Variants in MMP16 observed in about 807,000 individuals in gnomAD.
MMP16 encodes matrix metalloproteinase-16.
A neutral mutation model predicts 67.8 loss-of-function variants in MMP16; 12 were observed. That is an observed-to-expected ratio of 0.18 (90% CI 0.11 to 0.29). The LOEUF is 0.29. Ranked by LOEUF, MMP16 falls within the 10% of genes least tolerant of loss-of-function variation. The pLI, the probability that MMP16 is intolerant of heterozygous loss-of-function variation, is 1.00. For synonymous variants in MMP16, 249 were observed against 255.9 expected (o/e 0.97, Z 0.26); for missense variants, 475 against 765.7 (o/e 0.62, Z 4.48).
chr8:88,105,637 G>A (rs1430408655), intron 6 of MMP16, among the ~76,000 whole-genome samples: 1 of 151,390 alleles, frequency 6.6e-6, no homozygotes, highest in African/African-American at 2.4e-5. Context: ...TCATGGTAGA[G>A]GGGAAAAGTG....
chr8:88,273,259 T>TTG (rs1358448757), intron 1 of MMP16, among the ~76,000 whole-genome samples: 2 of 150,852 alleles, frequency 1.3e-5, no homozygotes, highest in Non-Finnish European at 3.0e-5. Context: ...TTTTTTTTTT[T>TTG]TTTTGTATTT....
intron 4 of MMP16, among the ~76,000 whole-genome samples, chr8:88,143,448 AG>A (rs1808243877): frequency 1.3e-5 from 2 of 152,098 alleles, no homozygotes; most frequent in Non-Finnish European, 2.9e-5. Context: ...TCATTGTTTT[AG>A]ATATATTGAG....
At chr8:88,074,804 G>T in intron 6 of MMP16, 61 bp from the exon 7 acceptor site, 1 of 1,563,656 alleles carries the variant, frequency 6.4e-7, no homozygotes, top group Non-Finnish European at 8.7e-7. Context: ...ATTTCACGGC[G>T]CAATGGCTGG....
intron 1 of MMP16, among the ~76,000 whole-genome samples, chr8:88,307,371 A>C (rs986473283): frequency 1.3e-5 from 2 of 152,060 alleles, no homozygotes; most frequent in Non-Finnish European, 2.9e-5. Flanking sequence ...TTCTGGTTTT[A>C]TTTGAAAACA....
At chr8:88,269,418 G>A (rs887742648) in intron 1 of MMP16, among the ~76,000 whole-genome samples, 2 of 152,052 alleles carry the variant, frequency 1.3e-5, no homozygotes, top group Admixed American at 6.6e-5. Context: ...CATAACAAAA[G>A]TGGGCAAGGT....
intron 6 of MMP16, among the ~76,000 whole-genome samples, chr8:88,080,284 A>G (rs1196662922): frequency 1.3e-5 from 2 of 152,198 alleles, no homozygotes; most frequent in Non-Finnish European, 2.9e-5. Flanking sequence ...AAAACAAGGT[A>G]GCTGTTTAGT....
intron 1 of MMP16, among the ~76,000 whole-genome samples, chr8:88,259,486 A>G (rs1810354003): frequency 6.6e-6 from 1 of 152,182 alleles, no homozygotes; most frequent in African/African-American, 2.4e-5. Context: ...TAAAATAGCA[A>G]CAGTACTTTG....
At chr8:88,320,290 A>G (rs890840349) in intron 1 of MMP16, among the ~76,000 whole-genome samples, 1 of 152,214 alleles carries the variant, frequency 6.6e-6, no homozygotes, top group Non-Finnish European at 1.5e-5. Flanking sequence ...GTGAGCTTTT[A>G]AAATTGGATT....
At chr8:88,309,796 C>G (rs1811268568) in intron 1 of MMP16, among the ~76,000 whole-genome samples, 2 of 152,174 alleles carry the variant, frequency 1.3e-5, no homozygotes, top group South Asian at 4.1e-4. Context: ...AAAGCAAATC[C>G]ATCATATATT....
chr8:88,252,065 C>T (rs1387108301), intron 1 of MMP16, among the ~76,000 whole-genome samples: 2 of 128,344 alleles, frequency 1.6e-5, no homozygotes, highest in South Asian at 3.0e-4. Flanking sequence ...ACTAGTTCAA[C>T]CATTGTGGAA....
chr8:88,117,387 A>G (rs1294536839), intron 5 of MMP16, among the ~76,000 whole-genome samples: 2 of 152,146 alleles, frequency 1.3e-5, no homozygotes, highest in Admixed American at 6.5e-5. Context: ...TACACATGTA[A>G]TTTGGTACAG....
At chr8:88,044,879 G>C (rs933905655) in intron 9 of MMP16, among the ~76,000 whole-genome samples, 1 of 151,954 alleles carries the variant, frequency 6.6e-6, no homozygotes, top group African/African-American at 2.4e-5. Flanking sequence ...TCATTTCTTT[G>C]TCCTTCTTAG....
At chr8:88,262,091 A>G (rs1810396689) in intron 1 of MMP16, among the ~76,000 whole-genome samples, 1 of 152,178 alleles carries the variant, frequency 6.6e-6, no homozygotes, top group Non-Finnish European at 1.5e-5. Context: ...ATGTCTGGTA[A>G]TAAAGTGATA....
rs765029042 is a variant in MMP16, at chr8:88,041,519, C to G, written c.1766G>C (p.Arg589Thr). ...CAGTATGTGGCGGGGTGTTCCTTTC[C>G]TCTTGAACTGGAACACAGTGTAAAC... is the stretch of plus-strand genomic sequence containing the variant. ...VLVYTVFQFK[R>T]KGTPRHILYC... Residue 589 changes from arginine to threonine, a missense_variant, in exon 10 of 10, where the codon AGG becomes ACG. Arg to Thr is a moderately conservative substitution (Grantham distance 71). Transcript: ENST00000286614. The surrounding 1 kb of genome is among the most constrained non-coding windows in gnomAD (Gnocchi z 6.0). The G allele has an allele frequency of 1.2e-6, 2 of 1,614,038 alleles. No individual in the cohort carries two copies. The highest frequency in any genetic ancestry group is 4.5e-5 in the East Asian group (2 of 44,886).
chr8:88,065,826 A>C (rs1479929005), intron 7 of MMP16, among the ~76,000 whole-genome samples: 1 of 152,156 alleles, frequency 6.6e-6, no homozygotes, highest in Non-Finnish European at 1.5e-5. Flanking sequence ...CATTTGAAAT[A>C]AAATAACAAT....
chr8:88,133,402 T>C (rs188641298), intron 4 of MMP16, among the ~76,000 whole-genome samples: 9 of 151,962 alleles, frequency 5.9e-5, no homozygotes, highest in Non-Finnish European at 8.8e-5. Flanking sequence ...TCTTGTCCAC[T>C]AGGAGTTTTC....
At chr8:88,229,750 T>C (rs2129869561) in intron 1 of MMP16, among the ~76,000 whole-genome samples, 1 of 152,002 alleles carries the variant, frequency 6.6e-6, no homozygotes, top group East Asian at 1.9e-4. Flanking sequence ...GTAGAATTGG[T>C]AAATTTCAAG....
At chr8:88,157,048 G>T (rs1808520991) in intron 4 of MMP16, among the ~76,000 whole-genome samples, 1 of 152,064 alleles carries the variant, frequency 6.6e-6, no homozygotes, top group African/African-American at 2.4e-5. Context: ...TGCCTTCCTT[G>T]TGATTAGATG....
At chr8:88,242,885 G>C (rs1810054759) in intron 1 of MMP16, among the ~76,000 whole-genome samples, 1 of 152,134 alleles carries the variant, frequency 6.6e-6, no homozygotes, top group Non-Finnish European at 1.5e-5. Flanking sequence ...AAATGAGTTA[G>C]GGAAGAGTGT....
Sources: gnomAD v4.1 joint callset for allele counts (sites outside exome capture counted in the v4.1 genomes callset) on GRCh38, gnomAD v4.1.1 for gene constraint, Gnocchi (gnomAD v3.1) non-coding constraint, MANE v1.5 for transcripts, NCBI Gene and HGNC (gene_info 2026-07-23, HGNC 2026-07-21) for gene names.